Variants in GNPNAT1 observed in about 807,000 individuals in gnomAD.
The protein encoded by GNPNAT1 is glucosamine 6-phosphate N-acetyltransferase.
In GNPNAT1, 11 loss-of-function variants were observed where a neutral mutation model predicts 19.8. The ratio of observed to expected loss-of-function variants is 0.56; its 90% CI spans 0.35 to 0.92. The LOEUF (loss-of-function observed/expected upper bound fraction) is 0.92, where lower values mean the gene tolerates loss of function less well. Ranked by LOEUF, GNPNAT1 falls within the 40% of genes least tolerant of loss-of-function variation. The pLI, the probability that GNPNAT1 is intolerant of heterozygous loss-of-function variation, is 0.01. For missense variants in GNPNAT1, 157 were observed against 211.0 expected, an observed-to-expected ratio of 0.74 and a Z score of 1.59; for synonymous variants, 71 against 72.3, an observed-to-expected ratio of 0.98 and a Z score of 0.09.
intron 5 of GNPNAT1, among the ~76,000 whole-genome samples, chr14:52,778,931 C>T (rs1882810678): frequency 6.6e-6 from 1 of 152,072 alleles, no homozygotes; most frequent in Admixed American, 6.6e-5. Flanking sequence ...GGGAAGATCA[C>T]CTGAGCCCAG....
At chr14:52,787,735 AGCAGTG>A in intron 1 of GNPNAT1, 1 of 152,264 alleles carries the variant, frequency 6.6e-6, no homozygotes, top group Non-Finnish European at 1.5e-5. Flanking sequence ...TCATGCACTT[AGCAGTG>A]CCTGGAATAC....
At position 52,776,505 on chromosome 14, in the gene GNPNAT1, T is replaced by C. The variant is rs377066177; in HGVS notation, c.*1806A>G. ...TGTGAATGATTTTACCTCAAATTGT[T>C]CAGTGGTAAGAAAGGTAATAAAGCA... On this transcript the variant is annotated 3_prime_UTR_variant, in exon 6 of 6. Coordinates refer to ENST00000216410, the MANE Select transcript of GNPNAT1 (RefSeq NM_198066.4). 2.6e-5 allele frequency: 4 copies of C among 152,272 alleles called. No individual in the cohort carries two copies. The highest frequency in any genetic ancestry group is 9.6e-5 in the African/African-American group (4 of 41,562). 9.4% of individuals were successfully genotyped at this position (152,272 alleles called of 1,614,324 possible). A position where few individuals can be genotyped will look rare whatever the true frequency, so the allele number is the denominator to read the frequency against.
chr14:52,781,862 T>A lies in GNPNAT1; in HGVS notation c.267A>T (p.Val89=). Residue 89 remains valine, a synonymous_variant, in exon 4 of 6, where the codon GTA becomes GTT. Coordinates refer to ENST00000216410, the MANE Select transcript of GNPNAT1 (RefSeq NM_198066.4). ...CAATCTGTCCTAGAGTCACATCTTC[T>A]ACAACTGTAACATAATAATCCCCAG... ...KKSGDYYVTV[V]EDVTLGQIVA... The A allele has an allele frequency of 1.2e-6, 2 of 1,607,852 alleles. No individual in the cohort carries two copies. Among genetic ancestry groups the A allele is most frequent in the Non-Finnish European group, 1.7e-6 (2 of 1,177,280 alleles).
Position 52,778,360 on chromosome 14 carries a change from C to A in GNPNAT1, c.506G>T (p.Gly169Val), listed in dbSNP as rs771542964. The change falls in exon 6 of 6, where the codon GGA becomes GTA. Residue 169 changes from glycine (G) to valine (V), a missense_variant. Gly to Val is a moderately radical substitution (Grantham distance 109). Coordinates refer to ENST00000216410, the MANE Select transcript of GNPNAT1 (RefSeq NM_198066.4). ...PQNVGFYKKF[G>V]YTVSEENYMC... Reference sequence around the variant, plus strand: ...GTAGTTTTCTTCAGATACAGTATATCCAAACTTTTTATAGAAACCAACATT... The same window carrying A: ...GTAGTTTTCTTCAGATACAGTATATACAAACTTTTTATAGAAACCAACATT... The A allele has an allele frequency of 3.1e-6, 5 of 1,605,738 alleles. No individual in the cohort carries two copies. Among genetic ancestry groups the A allele is most frequent in the East Asian group, 2.2e-5 (1 of 44,774 alleles).
At position 52,785,923 on chromosome 14, in the gene GNPNAT1, G is replaced by T. The variant is rs532253807; in HGVS notation, c.-14-1259C>A. ...CCACCACGCCCAGCTAGTTTTTTTTGTATTTTTAGTAGAGACGGAGTTTCG... is the reference window on the plus strand; with the variant it reads ...CCACCACGCCCAGCTAGTTTTTTTTTTATTTTTAGTAGAGACGGAGTTTCG... On this transcript the variant is annotated intron_variant, in intron 1 of 5. Transcript: ENST00000216410. Among the ~76,000 whole-genome samples the T allele has an allele frequency of 2.5e-3, 375 of 150,340 alleles. 1 individual carries two copies. Among genetic ancestry groups the T allele is most frequent in the Non-Finnish European group, 4.6e-3 (312 of 67,590 alleles).
At chr14:52,782,049 A>C (rs1413672906) in intron 3 of GNPNAT1, 138 bp from the exon 4 acceptor site, 2 of 669,218 alleles carry the variant, frequency 3.0e-6, no homozygotes, top group South Asian at 2.4e-5. Context: ...CCATTTCTAA[A>C]GAAAATATTA....
Position 52,780,204 on chromosome 14 carries a change from A to G in GNPNAT1, c.407+475T>C, listed in dbSNP as rs147621525. 6.2e-3 allele frequency among the ~76,000 whole-genome samples: 948 copies of G among 152,310 alleles called. 5 individuals are homozygous for G. The highest frequency in any genetic ancestry group is 0.011 in the Non-Finnish European group (764 of 68,024). On this transcript the variant is annotated intron_variant, in intron 5 of 5. Coordinates refer to ENST00000216410, the MANE Select transcript of GNPNAT1 (RefSeq NM_198066.4). Reference sequence around the variant, plus strand: ...CTAAAAATTATAATAAATAAGAACTACAAGTTCTTATAAAATGGCAATAAA... The same window carrying G: ...CTAAAAATTATAATAAATAAGAACTGCAAGTTCTTATAAAATGGCAATAAA...
intron 3 of GNPNAT1, among the ~76,000 whole-genome samples, chr14:52,782,965 T>C (rs1015238893): frequency 2.6e-5 from 4 of 152,044 alleles, no homozygotes; most frequent in Non-Finnish European, 4.4e-5. Context: ...TCTCTCTAAA[T>C]TCCTATTTTC....
Position 52,778,580 on chromosome 14 carries a change from C to T in GNPNAT1, c.408-122G>A, listed in dbSNP as rs1264910787. The T allele has an allele frequency of 6.5e-6, 5 of 774,276 alleles. No individual in the cohort carries two copies. The East Asian group carries it at 1.5e-4, about 23-fold the overall frequency. 48.0% of individuals were successfully genotyped at this position (774,276 alleles called of 1,614,324 possible). ...CCTTAGAAACAGGTTTAGATTATGG[C>T]TTTTCCCACTGCATTCATGTAAGTT... is the stretch of plus-strand genomic sequence containing the variant. On this transcript the variant is annotated intron_variant, in intron 5 of 5. Coordinates refer to ENST00000216410, the MANE Select transcript of GNPNAT1 (RefSeq NM_198066.4).
chr14:52,782,205 A>G (rs1882909085), intron 3 of GNPNAT1, among the ~76,000 whole-genome samples: 2 of 152,238 alleles, frequency 1.3e-5, no homozygotes, highest in African/African-American at 2.4e-5. Flanking sequence ...TGCCACTTCC[A>G]TGACTAATGA....
intron 4 of GNPNAT1, 101 bp downstream of exon 4, chr14:52,781,683 G>C (rs974343818): frequency 9.5e-7 from 1 of 1,050,968 alleles, no homozygotes; most frequent in African/African-American, 1.6e-5. Flanking sequence ...GGATTTCTAA[G>C]AGGCACTGAA....
chr14:52,779,750 A>AC (rs1882843322), intron 5 of GNPNAT1, among the ~76,000 whole-genome samples: 2 of 150,600 alleles, frequency 1.3e-5, no homozygotes, highest in Non-Finnish European at 3.0e-5. Context: ...AAAAAAAAAA[A>AC]CATAAATTAT....
Position 52,778,202 on chromosome 14 carries a change from C to T in GNPNAT1, c.*109G>A. The T allele has an allele frequency of 2.7e-6, 2 of 734,118 alleles. No individual in the cohort carries two copies. The highest frequency in any genetic ancestry group is 2.8e-5 in the East Asian group (1 of 35,316). 45.5% of individuals were successfully genotyped at this position (734,118 alleles called of 1,614,324 possible). A position where few individuals can be genotyped will look rare whatever the true frequency, so the allele number is the denominator to read the frequency against. ...TACTTGTAGTATTACAATGTTTTTT[C>T]AGTCCAGTATTTATGGAGGTCACTC... On this transcript the variant is annotated 3_prime_UTR_variant, in exon 6 of 6. Coordinates refer to ENST00000216410, the MANE Select transcript of GNPNAT1 (RefSeq NM_198066.4).
rs1425436416 is a variant in GNPNAT1, at chr14:52,776,712, C to T, written c.*1599G>A. 6 of 152,104 alleles carry T rather than the reference C, an allele frequency of 3.9e-5. No individual in the cohort carries two copies. The highest frequency in any genetic ancestry group is 1.4e-4 in the African/African-American group (6 of 41,418). The allele number at this position is 152,104 out of a possible 1,614,324, so 9.4% of individuals were successfully genotyped here. ...CTGGGATTACAGGCGCATGCCACCA[C>T]GTCTGGCTAATTTTTCTTTTTTTTA... On this transcript the variant is annotated 3_prime_UTR_variant, in exon 6 of 6. Coordinates refer to ENST00000216410, the MANE Select transcript of GNPNAT1 (RefSeq NM_198066.4).
intron 2 of GNPNAT1, 90 bp from the exon 3 acceptor site, chr14:52,783,575 G>C (rs2296494): frequency 0.39 from 305,400 of 776,574 alleles, 61,981 homozygotes; most frequent in Admixed American, 0.46. Flanking sequence ...TGGGCTTACA[G>C]GCAATTATTT....
rs750806713 is a variant in GNPNAT1 at position 52,781,788 on chromosome 14, G to T, written c.341C>A (p.Ala114Asp). ...TTATTTATAAGCAGCACATACCTTAGCACAGGAATGGATGAATTTATGTTC... is the reference window on the plus strand; with the variant it reads ...TTATTTATAAGCAGCACATACCTTATCACAGGAATGGATGAATTTATGTTC... ...IIEHKFIHSC[A>D]KRGRVEDVVV... Residue 114 changes from alanine to aspartate, a missense_variant, in exon 4 of 6, where the codon GCT becomes GAT. Physicochemically the swap from Ala to Asp is moderately radical, Grantham distance 126. Coordinates refer to ENST00000216410, the MANE Select transcript of GNPNAT1 (RefSeq NM_198066.4). 2.1e-5 allele frequency: 34 copies of T among 1,596,070 alleles called. No individual in the cohort carries two copies. Among genetic ancestry groups the T allele is most frequent in the Non-Finnish European group, 1.9e-5 (22 of 1,174,680 alleles).
rs921720752 is a variant in GNPNAT1, at chr14:52,777,976, T to C, written c.*335A>G. 6.1e-6 allele frequency: 1 copy of C among 163,316 alleles called. No homozygotes were observed. Among genetic ancestry groups the C allele is most frequent in the Non-Finnish European group, 1.3e-5 (1 of 75,616 alleles). The allele number at this position is 163,316 out of a possible 1,614,324, so 10.1% of individuals were successfully genotyped here. A position where few individuals can be genotyped will look rare whatever the true frequency, so the allele number is the denominator to read the frequency against. On this transcript the variant is annotated 3_prime_UTR_variant, in exon 6 of 6. Coordinates refer to ENST00000216410, the MANE Select transcript of GNPNAT1 (RefSeq NM_198066.4). The stretch of plus-strand genomic sequence containing the variant: ...ACTTTTTTTAAATGAGCAACACAGA[T>C]AGCAGACATATAACTCCTTATTACC...
chr14:52,786,421 T>C (rs564031938), intron 1 of GNPNAT1, among the ~76,000 whole-genome samples: 10 of 151,920 alleles, frequency 6.6e-5, no homozygotes, highest in African/African-American at 2.4e-4. Flanking sequence ...GGAGAATCAC[T>C]TGAACCCAGG....
intron 4 of GNPNAT1, 64 bp downstream of exon 4, chr14:52,781,720 A>G: frequency 6.8e-7 from 1 of 1,472,398 alleles, no homozygotes; most frequent in Non-Finnish European, 9.1e-7. Context: ...GATTTGTCTA[A>G]TGGAAACTCA....
Sources: allele counts gnomAD v4.1 joint callset (sites outside exome capture counted in the v4.1 genomes callset), GRCh38; gene constraint gnomAD v4.1.1; transcripts MANE v1.5; gene names NCBI Gene and HGNC (gene_info 2026-07-23, HGNC 2026-07-21).